B4GALT6: variants seen among roughly 807,000 people sequenced by gnomAD.
The protein encoded by B4GALT6 is beta-1,4-galactosyltransferase 6.
A neutral mutation model predicts 46.3 loss-of-function variants in B4GALT6; 14 were observed. The ratio of observed to expected loss-of-function variants is 0.30; its 90% CI spans 0.20 to 0.47. The LOEUF is 0.47. Ranked by LOEUF, B4GALT6 falls within the 20% of genes least tolerant of loss-of-function variation. The pLI is 0.99. For missense variants in B4GALT6, 386 were observed against 480.1 expected (o/e 0.80, Z 1.83); for synonymous variants, 168 against 162.0 (o/e 1.04, Z -0.28).
the B4GALT6 span, among the ~76,000 whole-genome samples, chr18:31,713,881 G>A: frequency 1.4e-4 from 22 of 152,150 alleles, no homozygotes; most frequent in African/African-American, 4.8e-4. Context: ...TCGTTGGCCC[G>A]GCGTTGCCAG....
chr18:31,637,284 T>C (rs2073871516), intron 5 of B4GALT6, among the ~76,000 whole-genome samples: 1 of 152,178 alleles, frequency 6.6e-6, no homozygotes, highest in Non-Finnish European at 1.5e-5. Flanking sequence ...GACAATATTT[T>C]AAAATTCCAT....
chr18:31,724,517 G>A, the B4GALT6 span: 1 of 1,009,492 alleles, frequency 9.9e-7, no homozygotes, highest in Non-Finnish European at 1.2e-6. Flanking sequence ...CTTCCTCCCA[G>A]ACGTCAGCTC....
intron 1 of B4GALT6, among the ~76,000 whole-genome samples, chr18:31,672,222 C>T (rs2074364835): frequency 6.6e-6 from 1 of 152,206 alleles, no homozygotes; most frequent in Admixed American, 6.5e-5. Flanking sequence ...CTATGACATG[C>T]TGCCACAGTT....
At chr18:31,680,865 C>A (rs1207459371) in intron 1 of B4GALT6, among the ~76,000 whole-genome samples, 4 of 152,208 alleles carry the variant, frequency 2.6e-5, no homozygotes, top group African/African-American at 7.2e-5. Context: ...AAGCCCTAAG[C>A]AGTAGCTGGA....
chr18:31,691,440 C>A, the B4GALT6 span, among the ~76,000 whole-genome samples: 1 of 150,932 alleles, frequency 6.6e-6, no homozygotes, highest in Non-Finnish European at 1.5e-5. Flanking sequence ...GCGAATGACT[C>A]ACAAAAGCAA....
chr18:31,653,271 G>A (rs182698047), intron 3 of B4GALT6, among the ~76,000 whole-genome samples: 11 of 151,726 alleles, frequency 7.2e-5, no homozygotes, highest in East Asian at 1.9e-4. Flanking sequence ...GGGCAGAGCC[G>A]ACCACTCTCC....
At chr18:31,645,248 A>C (rs1197450613) in intron 4 of B4GALT6, 107 bp downstream of exon 4, 2 of 1,470,898 alleles carry the variant, frequency 1.4e-6, no homozygotes, top group Non-Finnish European at 1.8e-6. Context: ...TGATGTTTTA[A>C]ATTTATCAAG....
chr18:31,650,047 G>A (rs1007148502), intron 3 of B4GALT6, among the ~76,000 whole-genome samples: 5 of 152,168 alleles, frequency 3.3e-5, no homozygotes, highest in African/African-American at 1.2e-4. Context: ...ACCTAGAAAT[G>A]ACTGGCTTTC....
At chr18:31,636,074 G>A (rs1255239592) in intron 5 of B4GALT6, among the ~76,000 whole-genome samples, 2 of 152,158 alleles carry the variant, frequency 1.3e-5, no homozygotes, top group Middle Eastern at 3.2e-3. Context: ...ATTCAATGGC[G>A]AAAACAGTCT....
At chr18:31,637,400 T>TTC (rs1555635091) in intron 5 of B4GALT6, among the ~76,000 whole-genome samples, 145 of 150,856 alleles carry the variant, frequency 9.6e-4, no homozygotes, top group Non-Finnish European at 1.2e-3. Context: ...CTTTTTTTTT[T>TTC]TTTTTTTGAC....
At chr18:31,678,368 C>A (rs182840933) in intron 1 of B4GALT6, among the ~76,000 whole-genome samples, 1 of 152,046 alleles carries the variant, frequency 6.6e-6, no homozygotes, top group Admixed American at 6.5e-5. Context: ...CTCAACTCTG[C>A]CTCATTGTAA....
chr18:31,655,313 T>C (rs963979784), intron 3 of B4GALT6, among the ~76,000 whole-genome samples: 2 of 152,190 alleles, frequency 1.3e-5, no homozygotes, highest in Non-Finnish European at 2.9e-5. Flanking sequence ...CCACCACTAA[T>C]TGGGCACAAA....
intron 1 of B4GALT6, among the ~76,000 whole-genome samples, chr18:31,668,828 C>T (rs12970031): frequency 0.41 from 60,988 of 148,304 alleles, 14,738 homozygotes; most frequent in South Asian, 0.65. Flanking sequence ...GGTGAAATGC[C>T]GTCTCTACTA....
chr18:31,631,153 G>A lies in B4GALT6; in HGVS notation c.589-7C>T, dbSNP rs2073783533. 6.3e-7 allele frequency: 1 copy of A among 1,590,460 alleles called. No homozygotes were observed. The highest frequency in any genetic ancestry group is 8.6e-7 in the Non-Finnish European group (1 of 1,169,016). Reference sequence around the variant, plus strand: ...TAAAAGGTTGTGTGCCAGTCTTCATGGAGCAGACCGAGAGAAAAAAATAGA... The same window carrying A: ...TAAAAGGTTGTGTGCCAGTCTTCATAGAGCAGACCGAGAGAAAAAAATAGA... On this transcript the variant is annotated splice_polypyrimidine_tract_variant and splice_region_variant and intron_variant, in intron 5 of 8. Coordinates refer to ENST00000306851, the MANE Select transcript of B4GALT6 (RefSeq NM_004775.5).
chr18:31,646,795 T>C (rs555899372), intron 3 of B4GALT6, among the ~76,000 whole-genome samples: 10 of 152,350 alleles, frequency 6.6e-5, no homozygotes, highest in African/African-American at 2.4e-4. Flanking sequence ...CAGAGCTGTC[T>C]GTAGCCTCCA....
chr18:31,682,746 T>C (rs2074494881), intron 1 of B4GALT6, among the ~76,000 whole-genome samples: 1 of 152,162 alleles, frequency 6.6e-6, no homozygotes, highest in Non-Finnish European at 1.5e-5. Context: ...CTCCAAAATC[T>C]TTCAAAGTTA....
chr18:31,688,997 A>G (rs1204501279), upstream of B4GALT6, among the ~76,000 whole-genome samples: 1 of 152,198 alleles, frequency 6.6e-6, no homozygotes, highest in Non-Finnish European at 1.5e-5. Context: ...TGCCTTAAAC[A>G]TCTGTGCCAA....
At chr18:31,656,489 A>T (rs528332596) in intron 3 of B4GALT6, among the ~76,000 whole-genome samples, 34 of 152,080 alleles carry the variant, frequency 2.2e-4, no homozygotes, top group Middle Eastern at 3.4e-3. Context: ...TGTTTTTTTT[A>T]AAATAATGAT....
intron 2 of B4GALT6, 22 bp from the exon 3 acceptor site, chr18:31,658,111 T>TAG: frequency 7.2e-7 from 1 of 1,389,360 alleles, no homozygotes; most frequent in Non-Finnish European, 9.6e-7. Context: ...AGAAAAGAGT[T>TAG]ACAAAAAAAA....
Sources: allele counts gnomAD v4.1 joint callset (sites outside exome capture counted in the v4.1 genomes callset), GRCh38; gene constraint gnomAD v4.1.1; transcripts MANE v1.5; gene names NCBI Gene and HGNC (gene_info 2026-07-23, HGNC 2026-07-21).